The following VEGFC variants were observed in gnomAD, a reference collection of about 807,000 sequenced individuals.
The protein encoded by VEGFC is vascular endothelial growth factor C.
In VEGFC, 12 loss-of-function variants were observed where a neutral mutation model predicts 46.1. The observed-to-expected ratio is 0.26, with a 90% CI of 0.17 to 0.42. The LOEUF is 0.42. VEGFC is among the 10% of genes least tolerant of loss of function. The probability of loss-of-function intolerance (pLI) is 1.00; values close to 1 mark genes in which losing one functional copy is unlikely to be tolerated. For synonymous variants in VEGFC, 232 were observed against 195.5 expected (o/e 1.19, Z -1.56); for missense variants, 488 against 529.4 (o/e 0.92, Z 0.77).
At position 176,687,196 on chromosome 4, in the gene VEGFC, T is replaced by C. The variant is rs747737125; in HGVS notation, c.1136A>G (p.Gln379Arg). 4.2e-5 allele frequency: 67 copies of C among 1,611,170 alleles called. No homozygotes were observed. Among genetic ancestry groups the C allele is most frequent in the Non-Finnish European group, 5.6e-5 (66 of 1,178,898 alleles). ...CLLKGKKFHH[Q>R]TCSCYRRPCT... ...CATGAGGATCTCTTACCTGCATGTT[T>C]GGTGGTGGAACTTCTTTCCTTTTAA... Residue 379 changes from glutamine (Q) to arginine (R), a missense_variant, in exon 6 of 7, where the codon CAA becomes CGA. By Grantham distance (43) the Gln-to-Arg change is conservative (BLOSUM62 1). Transcript: ENST00000618562.
intron 4 of VEGFC, among the ~76,000 whole-genome samples, chr4:176,704,240 T>G (rs1734484010): frequency 6.6e-6 from 1 of 152,110 alleles, no homozygotes; most frequent in Non-Finnish European, 1.5e-5. Context: ...CAGATAACTG[T>G]TTCTTAAATA....
chr4:176,714,200 A>G (rs190480696), intron 3 of VEGFC, among the ~76,000 whole-genome samples: 132 of 152,356 alleles, frequency 8.7e-4, no homozygotes, highest in Non-Finnish European at 1.5e-3. Context: ...TCATGGGACC[A>G]GATCCCTCAT....
Position 176,727,892 on chromosome 4 carries a change from G to A in VEGFC, c.438C>T (p.Val146=), listed in dbSNP as rs563624007. The A allele has an allele frequency of 4.8e-5, 77 of 1,613,488 alleles. No homozygotes were observed. Among genetic ancestry groups the A allele is most frequent in the East Asian group, 4.0e-4 (18 of 44,858 alleles). Reference sequence around the variant, plus strand: ...GAGGTTTAAAGAAGGTGTTTGTCGCGACTCCAAACTCCTTCCCCACATCTA... The same window carrying A: ...GAGGTTTAAAGAAGGTGTTTGTCGCAACTCCAAACTCCTTCCCCACATCTA... The part of the protein sequence containing the change: ...VCIDVGKEFG[V]ATNTFFKPPC... The change falls in exon 3 of 7, where the codon GTC becomes GTT. Residue 146 remains valine (V), a synonymous_variant. Transcript: ENST00000618562.
rs114135396 is a variant in VEGFC at position 176,761,529 on chromosome 4, G to C, written c.147+30636C>G. Among the ~76,000 whole-genome samples, 510 of 152,206 alleles carry C rather than the reference G, an allele frequency of 3.4e-3. 1 individual carries two copies. The highest frequency in any genetic ancestry group is 0.012 in the African/African-American group (478 of 41,544). ...TGAATGAATAAATCAGCAAATACAT[G>C]ATTTTTAAAGGTGCTCCCTAAATAA... On this transcript the variant is annotated intron_variant, in intron 1 of 6. Transcript: ENST00000618562.
intron 4 of VEGFC, among the ~76,000 whole-genome samples, chr4:176,693,781 G>C (rs1343630414): frequency 1.4e-5 from 2 of 139,944 alleles, no homozygotes; most frequent in Non-Finnish European, 3.0e-5. Flanking sequence ...AGGATCTCTC[G>C]GCAGAAACCC....
At chr4:176,790,077 G>A (rs1017549270) in intron 1 of VEGFC, among the ~76,000 whole-genome samples, 1 of 152,172 alleles carries the variant, frequency 6.6e-6, no homozygotes, top group Non-Finnish European at 1.5e-5. Context: ...ACTAGGGAGA[G>A]ACATAGAGTC....
chr4:176,734,027 C>T lies in VEGFC; in HGVS notation c.148-4281G>A, dbSNP rs1735013882. 7.3e-5 allele frequency among the ~76,000 whole-genome samples: 11 copies of T among 151,598 alleles called. No individual in the cohort carries two copies. In the South Asian group the frequency reaches 2.1e-3, roughly 29 times the overall value. ...ATGGTAAGACCTTATCTTCTGAGAC[C>T]TCTGAGTTGACAGCAATATTAAATT... On this transcript the variant is annotated intron_variant, in intron 1 of 6. Coordinates refer to ENST00000618562, the MANE Select transcript of VEGFC (RefSeq NM_005429.5).
intron 4 of VEGFC, chr4:176,706,195 G>C (rs1299927850): frequency 2.0e-5 from 3 of 152,120 alleles, no homozygotes; most frequent in African/African-American, 7.2e-5. Context: ...AGCCAGCCAA[G>C]CGCATCTTTG....
chr4:176,743,482 G>C (rs1345991431), intron 1 of VEGFC, among the ~76,000 whole-genome samples: 1 of 151,600 alleles, frequency 6.6e-6, no homozygotes, highest in Non-Finnish European at 1.5e-5. Context: ...GCACAATTAT[G>C]TAGTCACCGG....
chr4:176,734,793 A>T lies in VEGFC; in HGVS notation c.148-5047T>A, dbSNP rs1157242281. On this transcript the variant is annotated intron_variant, in intron 1 of 6. Coordinates refer to ENST00000618562, the MANE Select transcript of VEGFC (RefSeq NM_005429.5). The stretch of plus-strand genomic sequence containing the variant: ...TATTATACATTCATATCCAAAATTG[A>T]GGGTTTCAGTTATAAAATGGCTGTG... Among the ~76,000 whole-genome samples the T allele has an allele frequency of 2.0e-5, 3 of 151,986 alleles. No homozygotes were observed. In the East Asian group the frequency reaches 5.8e-4, roughly 29 times the overall value.
intron 1 of VEGFC, among the ~76,000 whole-genome samples, chr4:176,757,389 C>A (rs1735450653): frequency 6.6e-6 from 1 of 151,954 alleles, no homozygotes; most frequent in African/African-American, 2.4e-5. Context: ...AATATGAGAA[C>A]AACATTATCC....
At chr4:176,715,348 AT>A (rs774102665) in intron 3 of VEGFC, among the ~76,000 whole-genome samples, 71 of 152,136 alleles carry the variant, frequency 4.7e-4, no homozygotes, top group Non-Finnish European at 9.3e-4. Flanking sequence ...GTGTGAAAAA[AT>A]TTTAAGAGTC....
chr4:176,685,896 A>G (rs1231421053), intron 6 of VEGFC, among the ~76,000 whole-genome samples: 2 of 152,188 alleles, frequency 1.3e-5, no homozygotes, highest in Non-Finnish European at 2.9e-5. Context: ...TAGTTTAGGA[A>G]AACCACCAAA....
At chr4:176,690,328 CTT>C (rs201626928) in intron 4 of VEGFC, among the ~76,000 whole-genome samples, 30,868 of 140,782 alleles carry the variant, frequency 0.22, 4,866 homozygotes, top group African/African-American at 0.46. Context: ...CAGCAAGTTT[CTT>C]TTTTTTTTTT....
chr4:176,791,798 G>C (rs1251906406), intron 1 of VEGFC, among the ~76,000 whole-genome samples: 2 of 152,150 alleles, frequency 1.3e-5, no homozygotes, highest in African/African-American at 4.8e-5. Flanking sequence ...CCATGAATCA[G>C]CTGGGGAAAG....
chr4:176,773,367 C>T (rs1579135576), intron 1 of VEGFC, among the ~76,000 whole-genome samples: 2 of 152,296 alleles, frequency 1.3e-5, no homozygotes, highest in South Asian at 2.1e-4. Context: ...GAAAAATAAA[C>T]TCCAATTTGC....
chr4:176,786,743 T>A (rs757490960), intron 1 of VEGFC, among the ~76,000 whole-genome samples: 6 of 152,224 alleles, frequency 3.9e-5, no homozygotes, highest in Non-Finnish European at 7.3e-5. Flanking sequence ...TAAGAACTGA[T>A]TAACATGAGT....
chr4:176,775,483 A>C (rs2110934455), intron 1 of VEGFC, among the ~76,000 whole-genome samples: 1 of 152,278 alleles, frequency 6.6e-6, no homozygotes, highest in East Asian at 1.9e-4. Context: ...CATTTTTTGA[A>C]TCACCTCTAA....
intron 3 of VEGFC, among the ~76,000 whole-genome samples, chr4:176,724,999 T>C (rs921547958): frequency 3.9e-5 from 6 of 152,084 alleles, no homozygotes; most frequent in Admixed American, 2.6e-4. Flanking sequence ...TAGTGTTCAA[T>C]AGTACATCAG....
Sources: allele counts gnomAD v4.1 joint callset (sites outside exome capture counted in the v4.1 genomes callset), GRCh38; gene constraint gnomAD v4.1.1; transcripts MANE v1.5; gene names NCBI Gene and HGNC (gene_info 2026-07-23, HGNC 2026-07-21).